The following MR1 variants were observed in gnomAD, a reference collection of about 807,000 sequenced individuals.
MR1 encodes major histocompatibility complex, class I-related, also known as major histocompatibility complex class I-related protein 1.
MR1 carries 44 observed loss-of-function variants against 37.8 expected under a neutral mutation model. That is an observed-to-expected ratio of 1.16 (90% CI 0.91 to 1.50). The LOEUF is 1.50. Among genes scored for constraint, MR1 ranks in the 40% most tolerant of loss-of-function variants. The probability of loss-of-function intolerance (pLI) is 0.00; values close to 1 mark genes in which losing one functional copy is unlikely to be tolerated. For synonymous variants in MR1, 153 were observed against 155.8 expected (o/e 0.98, Z 0.13); for missense variants, 386 against 419.1 (o/e 0.92, Z 0.69).
Position 181,061,356 on chromosome 1 carries a change from A to G in MR1, c.*6091A>G, listed in dbSNP as rs559120300. On this transcript the variant is annotated 3_prime_UTR_variant, in exon 6 of 6. Coordinates refer to ENST00000367580, the MANE Select transcript of MR1 (RefSeq NM_001385161.1). Reference sequence around the variant, plus strand: ...GGTCACCCGGCTTGGCCAGCAGAACACAGAGTAGATTTTGGTCCCGTTTGT... The same window carrying G: ...GGTCACCCGGCTTGGCCAGCAGAACGCAGAGTAGATTTTGGTCCCGTTTGT... 1 of 152,346 alleles carries G rather than the reference A, an allele frequency of 6.6e-6. No individual in the cohort carries two copies. Among genetic ancestry groups the G allele is most frequent in the African/African-American group, 2.4e-5 (1 of 41,578 alleles). The allele number at this position is 152,346 out of a possible 1,614,324, so 9.4% of individuals were successfully genotyped here. A position where few individuals can be genotyped will look rare whatever the true frequency, so the allele number is the denominator to read the frequency against.
rs189478786 is a variant in MR1 at position 181,061,864 on chromosome 1, G to A, written c.*6599G>A. 1 of 152,252 alleles carries A rather than the reference G, an allele frequency of 6.6e-6. No individual in the cohort carries two copies. The highest frequency in any genetic ancestry group is 1.9e-4 in the East Asian group (1 of 5,184). 9.4% of individuals were successfully genotyped at this position (152,252 alleles called of 1,614,324 possible). On this transcript the variant is annotated 3_prime_UTR_variant, in exon 6 of 6. Coordinates refer to ENST00000367580, the MANE Select transcript of MR1 (RefSeq NM_001385161.1). ...CAGGTACTCAGGATGAATGGTTTGA[G>A]GACTGGTCTGAATTCTTCAAAGGTT...
At chr1:181,054,650 G>A (rs568845209) in intron 5 of MR1, among the ~76,000 whole-genome samples, 89 of 151,754 alleles carry the variant, frequency 5.9e-4, no homozygotes, top group African/African-American at 1.5e-3. Flanking sequence ...TCAGGAGTTC[G>A]AGATCAGCCT....
intron 1 of MR1, among the ~76,000 whole-genome samples, chr1:181,042,909 T>C (rs1571383343): frequency 1.3e-5 from 2 of 152,296 alleles, no homozygotes; most frequent in Non-Finnish European, 2.9e-5. Context: ...TCACCCAATA[T>C]TTACCAAGCT....
chr1:181,049,798 C>A, intron 2 of MR1: 1 of 588,396 alleles, frequency 1.7e-6, no homozygotes, highest in Non-Finnish European at 3.0e-6. Context: ...AATTAGCACA[C>A]TCCTTTGACA....
chr1:181,035,900 G>T (rs1248928002), intron 1 of MR1, among the ~76,000 whole-genome samples: 2 of 152,128 alleles, frequency 1.3e-5, no homozygotes, highest in Non-Finnish European at 2.9e-5. Flanking sequence ...GCAAGGGAAG[G>T]TCACTTGGTG....
intron 1 of MR1, among the ~76,000 whole-genome samples, chr1:181,041,152 A>T (rs1265600747): frequency 6.6e-6 from 1 of 152,228 alleles, no homozygotes; most frequent in Non-Finnish European, 1.5e-5. Flanking sequence ...CAGTATTGTC[A>T]ACAGACCATA....
intron 1 of MR1, among the ~76,000 whole-genome samples, chr1:181,045,287 C>A (rs920319326): frequency 1.3e-5 from 2 of 152,124 alleles, no homozygotes; most frequent in Non-Finnish European, 2.9e-5. Flanking sequence ...CTGCAGACAC[C>A]GGCAGGCAGA....
rs1658208831 is a variant in MR1 at position 181,050,035 on chromosome 1, T to C, written c.353T>C (p.Ile118Thr). The change falls in exon 3 of 6, where the codon ATT becomes ACT. Residue 118 changes from isoleucine (I) to threonine (T), a missense_variant. Physicochemically the swap from Ile to Thr is moderately conservative, Grantham distance 89 (BLOSUM62 -1). Transcript: ENST00000367580. ...HSGSHTYQRM[I>T]GCELLEDGST... ...GGGTCTCACACTTACCAGAGAATGA[T>C]TGGCTGTGAGCTGCTGGAGGATGGA... The C allele has an allele frequency of 6.2e-7, 1 of 1,612,862 alleles. No homozygotes were observed. The highest frequency in any genetic ancestry group is 8.5e-7 in the Non-Finnish European group (1 of 1,180,020).
chr1:181,036,758 A>G (rs1337472997), intron 1 of MR1, among the ~76,000 whole-genome samples: 1 of 152,082 alleles, frequency 6.6e-6, no homozygotes, highest in African/African-American at 2.4e-5. Flanking sequence ...AGATATCTTC[A>G]TTTTTTTCTT....
At chr1:181,035,828 G>A (rs1304500635) in intron 1 of MR1, among the ~76,000 whole-genome samples, 1 of 152,140 alleles carries the variant, frequency 6.6e-6, no homozygotes, top group African/African-American at 2.4e-5. Context: ...GCTCCTTTGG[G>A]TGTGAAGACT....
intron 1 of MR1, among the ~76,000 whole-genome samples, chr1:181,043,954 G>A (rs1390798164): frequency 7.7e-6 from 1 of 129,474 alleles, no homozygotes; most frequent in South Asian, 2.4e-4. Flanking sequence ...TTTTTTTTTT[G>A]TCTGATCTTT....
chr1:181,049,444 G>T, intron 2 of MR1, 132 bp downstream of exon 2: 1 of 1,157,210 alleles, frequency 8.6e-7, no homozygotes, highest in Non-Finnish European at 1.2e-6. Flanking sequence ...AATCAGGTTG[G>T]TGGAGTTCAG....
In MR1 at chr1:181,049,132, G is replaced by A. The variant is rs1368060940; in HGVS notation, c.148G>A (p.Val50Met). The A allele has an allele frequency of 1.4e-5, 22 of 1,614,040 alleles. No homozygotes were observed. Among genetic ancestry groups the A allele is most frequent in the Admixed American group, 1.7e-5 (1 of 60,000 alleles). The change falls in exon 2 of 6, where the codon GTG becomes ATG. Residue 50 changes from valine to methionine, a missense_variant. Coordinates refer to ENST00000367580, the MANE Select transcript of MR1 (RefSeq NM_001385161.1). ...CCCTGAATTTATTTCGGTTGGGTAC[G>A]TGGACTCGCACCCTATCACCACATA... is the stretch of plus-strand genomic sequence containing the variant. The part of the protein sequence containing the change: ...GVPEFISVGY[V>M]DSHPITTYDS...
intron 1 of MR1, among the ~76,000 whole-genome samples, chr1:181,034,358 A>G (rs994254999): frequency 1.3e-5 from 2 of 152,108 alleles, no homozygotes; most frequent in Admixed American, 6.6e-5. Flanking sequence ...TTTTCTGCTC[A>G]TATTTTTTCT....
At position 181,055,570 on chromosome 1, in the gene MR1, G is replaced by T. The variant is rs1290037104; in HGVS notation, c.*305G>T. 53 of 397,806 alleles carry T rather than the reference G, an allele frequency of 1.3e-4. 1 individual carries two copies. In the South Asian group the frequency reaches 1.9e-3, roughly 14 times the overall value. 24.6% of individuals were successfully genotyped at this position (397,806 alleles called of 1,614,324 possible). ...ATTTGTCAATGATGATTTGCAACTAGTTGGAGATTCTCAGAGCAGGAAGGA... is the reference window on the plus strand; with the variant it reads ...ATTTGTCAATGATGATTTGCAACTATTTGGAGATTCTCAGAGCAGGAAGGA... On this transcript the variant is annotated 3_prime_UTR_variant, in exon 6 of 6. Transcript: ENST00000367580.
chr1:181,039,423 C>T (rs1442528113), intron 1 of MR1, among the ~76,000 whole-genome samples: 4 of 152,114 alleles, frequency 2.6e-5, no homozygotes, highest in African/African-American at 4.8e-5. Context: ...TGCTTGTTGC[C>T]GTGTGTGGTG....
At chr1:181,053,024 C>A (rs1211660099) in intron 4 of MR1, among the ~76,000 whole-genome samples, 1 of 152,040 alleles carries the variant, frequency 6.6e-6, no homozygotes, top group East Asian at 1.9e-4. Flanking sequence ...GAGATCGCAC[C>A]ACTACACTCC....
intron 1 of MR1, among the ~76,000 whole-genome samples, chr1:181,040,832 C>T (rs889058876): frequency 6.6e-6 from 1 of 151,624 alleles, no homozygotes; most frequent in South Asian, 2.1e-4. Context: ...GTCTGTAATC[C>T]CAGCACTTTG....
chr1:181,049,774 C>T, intron 2 of MR1: 1 of 560,186 alleles, frequency 1.8e-6, no homozygotes, highest in Non-Finnish European at 3.2e-6. Context: ...TACAGGATAA[C>T]TCCCCAAGGC....
Sources: gnomAD v4.1 joint callset for allele counts (sites outside exome capture counted in the v4.1 genomes callset) on GRCh38, gnomAD v4.1.1 for gene constraint, MANE v1.5 for transcripts, NCBI Gene and HGNC (gene_info 2026-07-23, HGNC 2026-07-21) for gene names.